DIS3L2: variants seen among roughly 807,000 people sequenced by gnomAD.
DIS3L2 encodes the protein DIS3-like exonuclease 2.
A neutral mutation model predicts 97.5 loss-of-function variants in DIS3L2; 34 were observed. That is an observed-to-expected ratio of 0.35 (90% CI 0.27 to 0.46). DIS3L2 has a LOEUF of 0.46. DIS3L2 is among the 20% of genes least tolerant of loss of function. DIS3L2 has a pLI of 1.00. For synonymous variants in DIS3L2, 435 were observed against 445.2 expected (o/e 0.98, Z 0.29); for missense variants, 1,038 against 1,146.0 (o/e 0.91, Z 1.36).
intron 6 of DIS3L2, among the ~76,000 whole-genome samples, chr2:232,114,644 A>G (rs1256379960): frequency 6.6e-6 from 1 of 152,168 alleles, no homozygotes; most frequent in Non-Finnish European, 1.5e-5. Context: ...GAGTAAGTGG[A>G]CTATGATTGA....
chr2:232,097,297 G>A (rs1697049933), intron 6 of DIS3L2, among the ~76,000 whole-genome samples: 1 of 152,114 alleles, frequency 6.6e-6, no homozygotes, highest in Non-Finnish European at 1.5e-5. Flanking sequence ...GAGCCACCTG[G>A]AGCTGGGAGT....
rs1237414325 is a variant in DIS3L2 at position 232,269,795 on chromosome 2, G to A, written c.1659+6355G>A. 6.6e-6 allele frequency among the ~76,000 whole-genome samples: 1 copy of A among 152,120 alleles called. No homozygotes were observed. Among genetic ancestry groups the A allele is most frequent in the Admixed American group, 6.5e-5 (1 of 15,288 alleles). On this transcript the variant is annotated intron_variant, in intron 13 of 20. Transcript: ENST00000325385. The surrounding 1 kb of genome is among the most constrained non-coding windows in gnomAD (Gnocchi z 4.5). ...CTAGAGGAGACACAGGCTAGGCCTT[G>A]GAGTCTGTAGGAATGAACCAGGGCA...
chr2:232,014,604 T>C (rs1288028258), intron 1 of DIS3L2, among the ~76,000 whole-genome samples: 1 of 152,190 alleles, frequency 6.6e-6, no homozygotes, highest in Admixed American at 6.5e-5. Flanking sequence ...TTTGTGGAGA[T>C]GTTTAGTTGA....
At chr2:232,067,517 A>C (rs984987412) in intron 5 of DIS3L2, among the ~76,000 whole-genome samples, 5 of 152,180 alleles carry the variant, frequency 3.3e-5, no homozygotes, top group Non-Finnish European at 7.4e-5. Context: ...CAAGATATCA[A>C]GCTCTTGAAA....
At chr2:232,183,983 G>T (rs1574931767) in intron 9 of DIS3L2, among the ~76,000 whole-genome samples, 1 of 152,202 alleles carries the variant, frequency 6.6e-6, no homozygotes, top group African/African-American at 2.4e-5. Context: ...AGGCTGGAGA[G>T]AGAGATAGAG....
intron 10 of DIS3L2, among the ~76,000 whole-genome samples, chr2:232,229,931 C>T (rs147428218): frequency 6.6e-6 from 1 of 152,204 alleles, no homozygotes; most frequent in Non-Finnish European, 1.5e-5. Flanking sequence ...TTGGGGAGAC[C>T]TAAGAAGTCA....
intron 10 of DIS3L2, among the ~76,000 whole-genome samples, chr2:232,228,439 A>G (rs1368600529): frequency 6.6e-6 from 1 of 152,238 alleles, no homozygotes; most frequent in Non-Finnish European, 1.5e-5. Flanking sequence ...GCCGAAGCCC[A>G]TAAAAGAGAT....
rs775252407 is a variant in DIS3L2 at position 232,336,580 on chromosome 2, A to G, written c.2608A>G (p.Lys870Glu). 97 of 1,608,770 alleles carry G rather than the reference A, an allele frequency of 6.0e-5. 1 individual carries two copies. Among genetic ancestry groups the G allele is most frequent in the East Asian group, 2.5e-4 (11 of 44,840 alleles). ...CACCCAGGGCCACCTGGGCCCTGAG[A>G]AGGAGGAGGAGGAGTCTGACGGTGA... ...PGTQGHLGPE[K>E]EEEESDGEPE... is the part of the protein sequence containing the mutation. The change falls in exon 21 of 21, where the codon AAG (lysine) becomes GAG (glutamate). Residue 870 changes from lysine to glutamate, a missense_variant. Coordinates refer to ENST00000325385, the MANE Select transcript of DIS3L2 (RefSeq NM_152383.5).
At chr2:231,970,109 T>TG (rs1480596455) in intron 1 of DIS3L2, among the ~76,000 whole-genome samples, 1 of 151,996 alleles carries the variant, frequency 6.6e-6, no homozygotes, top group Non-Finnish European at 1.5e-5. Flanking sequence ...GCTGATTTTT[T>TG]TTTGTTTGTT....
intron 14 of DIS3L2, among the ~76,000 whole-genome samples, chr2:232,327,611 G>A (rs12473237): frequency 0.12 from 17,598 of 152,174 alleles, 1,447 homozygotes; most frequent in African/African-American, 0.24. Flanking sequence ...TATGAAATCC[G>A]AATAAGAACA....
chr2:232,257,908 C>T (rs1053053444), intron 12 of DIS3L2, among the ~76,000 whole-genome samples: 2 of 152,220 alleles, frequency 1.3e-5, no homozygotes, highest in Admixed American at 6.5e-5. Flanking sequence ...GATTTTGGGT[C>T]TGTCTTTAAC....
chr2:231,982,453 C>T (rs1389435191), intron 1 of DIS3L2, among the ~76,000 whole-genome samples: 1 of 152,066 alleles, frequency 6.6e-6, no homozygotes, highest in Non-Finnish European at 1.5e-5. Context: ...CATCTTTCTG[C>T]AGTTAAATCT....
chr2:232,147,659 A>G (rs1690255729), intron 8 of DIS3L2, among the ~76,000 whole-genome samples: 1 of 152,228 alleles, frequency 6.6e-6, no homozygotes, highest in Admixed American at 6.5e-5. Flanking sequence ...CTTTTCAGAC[A>G]GTAAGCAGAA....
intron 9 of DIS3L2, among the ~76,000 whole-genome samples, chr2:232,201,897 T>G (rs1308076996): frequency 6.6e-6 from 1 of 152,200 alleles, no homozygotes; most frequent in Non-Finnish European, 1.5e-5. Flanking sequence ...TGATGAATCT[T>G]GATGAAGGGT....
intron 1 of DIS3L2, among the ~76,000 whole-genome samples, chr2:231,964,264 C>G (rs777043721): frequency 6.6e-6 from 1 of 152,118 alleles, no homozygotes; most frequent in Non-Finnish European, 1.5e-5. Context: ...ACATCTTGAA[C>G]TGATCCTTTT....
downstream of DIS3L2, among the ~76,000 whole-genome samples, chr2:232,338,289 CACAG>C (rs1696028214): frequency 6.6e-6 from 1 of 152,140 alleles, no homozygotes; most frequent in African/African-American, 2.4e-5. Flanking sequence ...GCTGTTCCCT[CACAG>C]GCAGCACAGA....
intron 9 of DIS3L2, among the ~76,000 whole-genome samples, chr2:232,188,335 ACT>A: frequency 6.6e-6 from 1 of 152,304 alleles, no homozygotes; most frequent in South Asian, 2.1e-4. Context: ...TATTCTAAAA[ACT>A]TGTGAATTGT....
At chr2:232,098,415 A>G (rs988329579) in intron 6 of DIS3L2, among the ~76,000 whole-genome samples, 2 of 148,886 alleles carry the variant, frequency 1.3e-5, no homozygotes, top group African/African-American at 2.5e-5. Context: ...GTGCAGTGAC[A>G]CCATCTTGGC....
intron 13 of DIS3L2, among the ~76,000 whole-genome samples, chr2:232,278,748 G>A (rs1694209980): frequency 6.6e-6 from 1 of 152,128 alleles, no homozygotes; most frequent in Non-Finnish European, 1.5e-5. Context: ...TCCAGTTTTT[G>A]GCAATATGAA....
Sources: allele counts gnomAD v4.1 joint callset (sites outside exome capture counted in the v4.1 genomes callset), GRCh38; gene constraint gnomAD v4.1.1; non-coding constraint Gnocchi (gnomAD v3.1); transcripts MANE v1.5; gene names NCBI Gene and HGNC (gene_info 2026-07-23, HGNC 2026-07-21).